Variants in PIEZO2 observed in about 807,000 individuals in gnomAD.
PIEZO2 encodes piezo type mechanosensitive ion channel component 2, also known as piezo-type mechanosensitive ion channel component 2.
In PIEZO2, 172 loss-of-function variants were observed where a neutral mutation model predicts 337.3. That is an observed-to-expected ratio of 0.51 (90% CI 0.45 to 0.58). PIEZO2 has a LOEUF of 0.58. PIEZO2 is among the 20% of genes least tolerant of loss of function. PIEZO2 has a pLI of 0.00. For missense variants in PIEZO2, 3,028 were observed against 3,391.3 expected, an observed-to-expected ratio of 0.89 and a Z score of 2.66; for synonymous variants, 1,251 against 1,228.5, an observed-to-expected ratio of 1.02 and a Z score of -0.38.
chr18:10,800,655 C>A (rs2039779797), intron 10 of PIEZO2, among the ~76,000 whole-genome samples, 180 bp from the exon 11 acceptor site: 1 of 152,250 alleles, frequency 6.6e-6, no homozygotes, highest in Non-Finnish European at 1.5e-5. Flanking sequence ...CCCTCTCCAA[C>A]TCTAGTCTCC....
intron 1 of PIEZO2, among the ~76,000 whole-genome samples, chr18:11,147,490 T>C (rs908651987): frequency 2.0e-5 from 3 of 152,224 alleles, no homozygotes; most frequent in South Asian, 2.1e-4. Context: ...AACACAGGTG[T>C]GATCAACCTC....
chr18:10,816,508 A>T (rs994636391), intron 7 of PIEZO2, among the ~76,000 whole-genome samples: 9 of 152,220 alleles, frequency 5.9e-5, no homozygotes, highest in Non-Finnish European at 1.5e-5. Context: ...TGAAATTATC[A>T]ATCAAAAATA....
rs929295317 is a variant in PIEZO2, at chr18:11,102,256, T to G, written c.65-36034A>C. 6.6e-6 allele frequency among the ~76,000 whole-genome samples: 1 copy of G among 152,236 alleles called. No homozygotes were observed. The highest frequency in any genetic ancestry group is 2.4e-5 in the African/African-American group (1 of 41,456). ...AAAATACATTCTAATTTAAAATGTATCCAGTGAGCTTAATCTTCCCTTGCC... is the reference window on the plus strand; with the variant it reads ...AAAATACATTCTAATTTAAAATGTAGCCAGTGAGCTTAATCTTCCCTTGCC... On this transcript the variant is annotated intron_variant, in intron 1 of 55. Transcript: ENST00000674853. This position sits in a 1 kb window ranked among gnomAD's most constrained non-coding sequence, Gnocchi z 5.7.
At chr18:11,064,419 C>T (rs973261365) in intron 2 of PIEZO2, among the ~76,000 whole-genome samples, 63 of 152,176 alleles carry the variant, frequency 4.1e-4, no homozygotes, top group African/African-American at 1.5e-3. Context: ...ACGAGCAGTG[C>T]CAGCAGAAGC....
intron 2 of PIEZO2, among the ~76,000 whole-genome samples, chr18:10,995,931 T>TA (rs1314718580): frequency 1.3e-5 from 2 of 152,122 alleles, no homozygotes; most frequent in African/African-American, 4.8e-5. Flanking sequence ...GTGATTGCTA[T>TA]AAAAAAATGA....
chr18:10,716,325 T>C lies in PIEZO2; in HGVS notation c.5090-509A>G, dbSNP rs2036009765. Among the ~76,000 whole-genome samples, 1 of 152,190 alleles carries C rather than the reference T, an allele frequency of 6.6e-6. No individual in the cohort carries two copies. Among genetic ancestry groups the C allele is most frequent in the South Asian group, 2.1e-4 (1 of 4,824 alleles). On this transcript the variant is annotated intron_variant, in intron 37 of 55. Transcript: ENST00000674853. The surrounding 1 kb of genome is among the most constrained non-coding windows in gnomAD (Gnocchi z 4.1). ...AGCTTTATGATGGTCCACTTCCATT[T>C]ACTGAATAGGAACTATATTTTCTTT...
In PIEZO2 at chr18:10,702,083, G is replaced by A. The variant is rs2035365071; in HGVS notation, c.6347C>T (p.Pro2116Leu). ...CTTTTCCACTCCTATGATGTTTGGG[G>A]GGTGATACGGTTTATCTTTGTTCAC... is the stretch of plus-strand genomic sequence containing the variant. ...VEVNKDKPYH[P>L]PNIIGVEKKE... The change falls in exon 43 of 56, where the codon CCC (proline) becomes CTC (leucine). Residue 2116 changes from proline to leucine, a missense_variant. Transcript: ENST00000674853. The A allele has an allele frequency of 1.4e-5, 21 of 1,536,836 alleles. No individual in the cohort carries two copies. Among genetic ancestry groups the A allele is most frequent in the Non-Finnish European group, 1.7e-5 (19 of 1,146,810 alleles).
rs60528362 is a variant in PIEZO2, at chr18:10,830,122, G to A, written c.918-22848C>T. ...CACACAGACCAATGGAACAGAATAG[G>A]GAAGCCAGTAATTCATACATCTACA... On this transcript the variant is annotated intron_variant, in intron 7 of 55. Transcript: ENST00000674853. This position sits in a 1 kb window ranked among gnomAD's most constrained non-coding sequence, Gnocchi z 4.7. Among the ~76,000 whole-genome samples the A allele has an allele frequency of 0.03, 4,490 of 152,022 alleles. 144 individuals carry two copies. The highest frequency in any genetic ancestry group is 0.084 in the African/African-American group (3,484 of 41,468).
chr18:10,806,599 C>T (rs1183001443), intron 8 of PIEZO2, among the ~76,000 whole-genome samples: 8 of 151,870 alleles, frequency 5.3e-5, no homozygotes, highest in Admixed American at 3.3e-4. Context: ...AGGCTAAGAG[C>T]GCTGGAGGAG....
chr18:10,792,986 T>G (rs372231742), intron 13 of PIEZO2, among the ~76,000 whole-genome samples: 148 of 152,330 alleles, frequency 9.7e-4, no homozygotes, highest in African/African-American at 3.2e-3. Context: ...CTGGGCACTA[T>G]GGCTCACGCC....
chr18:11,088,316 A>G (rs1431940808), intron 1 of PIEZO2, among the ~76,000 whole-genome samples: 1 of 152,176 alleles, frequency 6.6e-6, no homozygotes, highest in African/African-American at 2.4e-5. Flanking sequence ...TACTGAGGAA[A>G]CATAGATGAA....
At position 11,110,350 on chromosome 18, in the gene PIEZO2, C is replaced by A. The variant is rs528551749; in HGVS notation, c.64+38175G>T. Among the ~76,000 whole-genome samples the A allele has an allele frequency of 1.1e-4, 16 of 152,292 alleles. No homozygotes were observed. Among genetic ancestry groups the A allele is most frequent in the African/African-American group, 3.6e-4 (15 of 41,572 alleles). On this transcript the variant is annotated intron_variant, in intron 1 of 55. Transcript: ENST00000674853. This position sits in a 1 kb window ranked among gnomAD's most constrained non-coding sequence, Gnocchi z 4.2. ...TCTGTTCTTTCTTTTCCAGAAATATCGTTTTATTTAAGAAGACAGTAGAAA... is the reference window on the plus strand; with the variant it reads ...TCTGTTCTTTCTTTTCCAGAAATATAGTTTTATTTAAGAAGACAGTAGAAA...
chr18:11,035,932 GT>G lies in PIEZO2; in HGVS notation c.160+30194del, dbSNP rs1278325717. 3.3e-5 allele frequency among the ~76,000 whole-genome samples: 5 copies of G among 152,200 alleles called. No homozygotes were observed. The highest frequency in any genetic ancestry group is 7.3e-5 in the Non-Finnish European group (5 of 68,038). ...TCTCTGCCACTTCCTATGTTTGCTT[GT>G]TAGCAAGAAGTCCACACCTGGAACA... On this transcript the variant is annotated intron_variant, in intron 2 of 55. Coordinates refer to ENST00000674853, the MANE Select transcript of PIEZO2 (RefSeq NM_001378183.1). The surrounding 1 kb of genome is among the most constrained non-coding windows in gnomAD (Gnocchi z 4.3).
At chr18:10,735,551 T>C (rs7238851) in intron 34 of PIEZO2, among the ~76,000 whole-genome samples, 49,995 of 152,080 alleles carry the variant, frequency 0.33, 9,029 homozygotes, top group East Asian at 0.53. Context: ...GATGTTCATG[T>C]TCTCTCCTTG....
At chr18:10,999,035 A>C (rs1189979155) in intron 2 of PIEZO2, among the ~76,000 whole-genome samples, 2 of 152,104 alleles carry the variant, frequency 1.3e-5, no homozygotes, top group African/African-American at 4.8e-5. Flanking sequence ...TAAATGTGGC[A>C]TGCAAATGTG....
chr18:11,011,183 T>G (rs1040585004), intron 2 of PIEZO2, among the ~76,000 whole-genome samples: 4 of 152,246 alleles, frequency 2.6e-5, no homozygotes, highest in African/African-American at 9.6e-5. Flanking sequence ...ATATTTTAGT[T>G]TTCAGATAAA....
At chr18:10,949,769 G>A (rs1887919335) in intron 3 of PIEZO2, among the ~76,000 whole-genome samples, 1 of 152,192 alleles carries the variant, frequency 6.6e-6, no homozygotes, top group South Asian at 2.1e-4. Context: ...TTCAAAACAG[G>A]AGGGAAAATC....
chr18:10,960,556 C>CT (rs5823126), intron 3 of PIEZO2, among the ~76,000 whole-genome samples: 95 of 146,046 alleles, frequency 6.5e-4, no homozygotes, highest in Middle Eastern at 7.1e-3. Flanking sequence ...GCCACAAAGA[C>CT]TTTTTTTTTT....
At chr18:11,075,571 G>A (rs2038501390) in intron 1 of PIEZO2, among the ~76,000 whole-genome samples, 1 of 152,126 alleles carries the variant, frequency 6.6e-6, no homozygotes, top group Non-Finnish European at 1.5e-5. Context: ...TCACCTCCGT[G>A]CCCACTGGCG....
Sources: allele counts gnomAD v4.1 joint callset (sites outside exome capture counted in the v4.1 genomes callset), GRCh38; gene constraint gnomAD v4.1.1; non-coding constraint Gnocchi (gnomAD v3.1); transcripts MANE v1.5; gene names NCBI Gene and HGNC (gene_info 2026-07-23, HGNC 2026-07-21).